Variants in SPTA1 observed in about 807,000 individuals in gnomAD.
The protein encoded by SPTA1 is spectrin alpha, erythrocytic 1.
SPTA1 carries 177 observed loss-of-function variants against 324.7 expected under a neutral mutation model. The observed-to-expected ratio is 0.55, with a 90% CI of 0.48 to 0.62. SPTA1 has a LOEUF of 0.62. Among genes scored for constraint, SPTA1 ranks in the 20% least tolerant of loss-of-function variants. The pLI, the probability that SPTA1 is intolerant of heterozygous loss-of-function variation, is 0.00. For synonymous variants in SPTA1, 1,195 were observed against 1,041.3 expected, an observed-to-expected ratio of 1.15 and a Z score of -2.84; for missense variants, 3,162 against 2,883.6, an observed-to-expected ratio of 1.10 and a Z score of -2.21.
rs1161647781 is a variant in SPTA1 at position 158,645,275 on chromosome 1, CT to C, written c.4106del (p.Lys1369SerfsTer7). 1 of 1,614,000 alleles carries C rather than the reference CT, an allele frequency of 6.2e-7. No homozygotes were observed. Among genetic ancestry groups the C allele is most frequent in the Non-Finnish European group, 8.5e-7 (1 of 1,179,952 alleles). On this transcript the variant is annotated frameshift_variant, in exon 29 of 52. Transcript: ENST00000643759. LOFTEE classifies it high-confidence loss of function. ...CTCTCTCTAGCTTGACAGCTTGAAG[CT>C]TTTTTTCAATTTCAGGGCTAGCATG... is the stretch of plus-strand genomic sequence containing the variant. ...GHHASPEIEKKLQAVKLERDD... is the reference protein window; with the variant it reads ...GHHASPEIEKXLQAVKLERDD...
At chr1:158,684,483 C>T (rs1389020257) in intron 2 of SPTA1, among the ~76,000 whole-genome samples, 1 of 152,106 alleles carries the variant, frequency 6.6e-6, no homozygotes, top group Non-Finnish European at 1.5e-5. Context: ...AGGTCAATTT[C>T]AGATGAGTAT....
In SPTA1 at chr1:158,615,320, G is replaced by A; in HGVS notation, c.6684C>T (p.Ile2228=). The change falls in exon 48 of 52, where the codon ATC becomes ATT. Residue 2228 remains isoleucine, a synonymous_variant. Coordinates refer to ENST00000643759, the MANE Select transcript of SPTA1 (RefSeq NM_003126.4). The stretch of plus-strand genomic sequence containing the variant: ...CAATGGTGCTGTATTTGATATCAAG[G>A]ATCAGAGCGTCTTCCAAGTTGTCCC... ...DLGDNLEDAL[I]LDIKYSTIGL... The A allele has an allele frequency of 6.2e-7, 1 of 1,614,068 alleles. No homozygotes were observed. Among genetic ancestry groups the A allele is most frequent in the South Asian group, 1.1e-5 (1 of 91,074 alleles).
chr1:158,652,854 T>C (rs1446020987), intron 22 of SPTA1, among the ~76,000 whole-genome samples: 1 of 152,202 alleles, frequency 6.6e-6, no homozygotes, highest in African/African-American at 2.4e-5. Flanking sequence ...TAGGATTGCA[T>C]TTAAAAATAG....
At chr1:158,633,678 A>T (rs930176731) in intron 39 of SPTA1, among the ~76,000 whole-genome samples, 1 of 149,882 alleles carries the variant, frequency 6.7e-6, no homozygotes, top group Non-Finnish European at 1.5e-5. Context: ...AAAAAAAAAA[A>T]GAAAAGAAAA....
At chr1:158,682,618 C>A (rs1244761449) in intron 3 of SPTA1, among the ~76,000 whole-genome samples, 6 of 151,790 alleles carry the variant, frequency 4.0e-5, no homozygotes, top group Non-Finnish European at 1.5e-5. Context: ...AAGGCCAGAC[C>A]CAGTTTTAAG....
chr1:158,634,005 C>G (rs368475892), intron 39 of SPTA1, among the ~76,000 whole-genome samples: 128 of 152,208 alleles, frequency 8.4e-4, no homozygotes, highest in African/African-American at 2.9e-3. Flanking sequence ...CAAAAGCCGT[C>G]AAAATTTACA....
chr1:158,653,308 T>C lies in SPTA1; in HGVS notation c.3154A>G (p.Asn1052Asp), dbSNP rs866703394. The C allele has an allele frequency of 6.2e-7, 1 of 1,613,986 alleles. No homozygotes were observed. Among genetic ancestry groups the C allele is most frequent in the African/African-American group, 1.3e-5 (1 of 74,902 alleles). The change falls in exon 22 of 52, where the codon AAC becomes GAC. Residue 1052 changes from asparagine (N) to aspartate (D), a missense_variant. Asn to Asp is a conservative substitution (Grantham distance 23). Transcript: ENST00000643759. ...LPQRRREEPGNITQRQEQIEN... is the reference protein window; with the variant it reads ...LPQRRREEPGDITQRQEQIEN... Reference sequence around the variant, plus strand: ...ATCTGCTCCTGGCGCTGGGTGATGTTTCCTGGCTCTTCTCGTCGCCGCTGT... The same window carrying C: ...ATCTGCTCCTGGCGCTGGGTGATGTCTCCTGGCTCTTCTCGTCGCCGCTGT...
Position 158,611,009 on chromosome 1 carries a change from C to A in SPTA1, c.*255G>T. Reference sequence around the variant, plus strand: ...AATAAAAATAGAAACTTTGACACCCCTCAGCAGTGACTAGTTGCATACAAA... The same window carrying A: ...AATAAAAATAGAAACTTTGACACCCATCAGCAGTGACTAGTTGCATACAAA... On this transcript the variant is annotated 3_prime_UTR_variant, in exon 52 of 52. Coordinates refer to ENST00000643759, the MANE Select transcript of SPTA1 (RefSeq NM_003126.4). 2.1e-6 allele frequency: 1 copy of A among 477,210 alleles called. No homozygotes were observed. Among genetic ancestry groups the A allele is most frequent in the South Asian group, 2.2e-5 (1 of 44,870 alleles). The allele number at this position is 477,210 out of a possible 1,614,324, so 29.6% of individuals were successfully genotyped here. A position where few individuals can be genotyped will look rare whatever the true frequency, so the allele number is the denominator to read the frequency against.
chr1:158,630,778 A>G (rs1478129545), intron 39 of SPTA1, among the ~76,000 whole-genome samples: 1 of 152,038 alleles, frequency 6.6e-6, no homozygotes, highest in African/African-American at 2.4e-5. Context: ...TAAGGAACTA[A>G]TATAACTCAA....
In SPTA1 at chr1:158,639,564, G is replaced by T. The variant is rs779255170; in HGVS notation, c.4980+18C>A. ...ATTTCTATTCTGCCCAGAGGAGAGG[G>T]ATGCCAACACTACTTACCTCTCGAG... On this transcript the variant is annotated intron_variant, in intron 35 of 51. Coordinates refer to ENST00000643759, the MANE Select transcript of SPTA1 (RefSeq NM_003126.4). 6.2e-7 allele frequency: 1 copy of T among 1,609,310 alleles called. No individual in the cohort carries two copies. Among genetic ancestry groups the T allele is most frequent in the Non-Finnish European group, 8.5e-7 (1 of 1,175,802 alleles).
intron 37 of SPTA1, 28 bp downstream of exon 37, chr1:158,636,613 A>C: frequency 6.2e-7 from 1 of 1,613,266 alleles, no homozygotes; most frequent in Non-Finnish European, 8.5e-7. Context: ...TGATTTCTAT[A>C]TTTTCAGATC....
At chr1:158,671,592 A>C in intron 11 of SPTA1, 139 bp from the exon 12 acceptor site, 2 of 713,610 alleles carry the variant, frequency 2.8e-6, no homozygotes, top group East Asian at 5.4e-5. Flanking sequence ...GGTAGAAATT[A>C]ACTTTAAACA....
chr1:158,661,896 A>G (rs1653244914), intron 17 of SPTA1, among the ~76,000 whole-genome samples: 1 of 152,234 alleles, frequency 6.6e-6, no homozygotes, highest in Non-Finnish European at 1.5e-5. Flanking sequence ...AAAGTGCCTC[A>G]TTGATTGCAT....
At chr1:158,644,179 C>T in intron 30 of SPTA1, 74 bp downstream of exon 30, 1 of 1,561,956 alleles carries the variant, frequency 6.4e-7, no homozygotes, top group Non-Finnish European at 8.8e-7. Flanking sequence ...AATTATAAAA[C>T]CAGACAAATG....
intron 43 of SPTA1, chr1:158,620,877 A>T (rs1649866114): frequency 5.8e-6 from 1 of 171,224 alleles, no homozygotes; most frequent in African/African-American, 2.5e-5. Flanking sequence ...GAATGAATGG[A>T]TGAAATAATG....
intron 47 of SPTA1, 73 bp downstream of exon 47, chr1:158,617,464 T>G: frequency 7.9e-7 from 1 of 1,268,502 alleles, no homozygotes; most frequent in Non-Finnish European, 1.1e-6. Flanking sequence ...CACCTGGGCT[T>G]CCCTTAGGTG....
intron 41 of SPTA1, among the ~76,000 whole-genome samples, 193 bp downstream of exon 41, chr1:158,626,646 T>TTG (rs1650290503): frequency 2.0e-5 from 3 of 151,744 alleles, no homozygotes; most frequent in Admixed American, 6.6e-5. Context: ...CTTTCTCACT[T>TTG]TGTGTGTGTG....
At position 158,678,554 on chromosome 1, in the gene SPTA1, CTG is replaced by C; in HGVS notation, c.679-22_679-21del. ...GTTTTCCTGTTGAAGGAAAACAACACTGGAGTTATACAGAGATGAGATTATAT... is the reference window on the plus strand; with the variant it reads ...GTTTTCCTGTTGAAGGAAAACAACACGAGTTATACAGAGATGAGATTATAT... On this transcript the variant is annotated intron_variant, in intron 5 of 51. Coordinates refer to ENST00000643759, the MANE Select transcript of SPTA1 (RefSeq NM_003126.4). 6.2e-7 allele frequency: 1 copy of C among 1,612,428 alleles called. No individual in the cohort carries two copies. Among genetic ancestry groups the C allele is most frequent in the Non-Finnish European group, 8.5e-7 (1 of 1,179,092 alleles).
At position 158,669,518 on chromosome 1, in the gene SPTA1, G is replaced by A. The variant is rs747469591; in HGVS notation, c.1723C>T (p.Arg575Cys). 4.3e-6 allele frequency: 7 copies of A among 1,614,080 alleles called. No homozygotes were observed. The Admixed American group carries it at 6.7e-5, about 15-fold the overall frequency. ...DALREKAATR[R>C]RLLKESLLLQ... ...AGCAATGACTCCTTCAGCAATCTACGTCTAGTGGCAGCCTTTTCACGTAGG... is the reference window on the plus strand; with the variant it reads ...AGCAATGACTCCTTCAGCAATCTACATCTAGTGGCAGCCTTTTCACGTAGG... The change falls in exon 14 of 52, where the codon CGT (arginine) becomes TGT (cysteine). Residue 575 changes from arginine (R) to cysteine (C), a missense_variant. Coordinates refer to ENST00000643759, the MANE Select transcript of SPTA1 (RefSeq NM_003126.4).
Sources: allele counts gnomAD v4.1 joint callset (sites outside exome capture counted in the v4.1 genomes callset), GRCh38; gene constraint gnomAD v4.1.1; transcripts MANE v1.5; gene names NCBI Gene and HGNC (gene_info 2026-07-23, HGNC 2026-07-21).